Variants in PSG3 observed in about 807,000 individuals in gnomAD.
PSG3 encodes pregnancy specific beta-1-glycoprotein 3.
PSG3 carries 61 observed loss-of-function variants against 47.5 expected under a neutral mutation model. The observed-to-expected ratio is 1.28, with a 90% CI of 1.05 to 1.59. The LOEUF (loss-of-function observed/expected upper bound fraction) is 1.59. Among genes scored for constraint, PSG3 ranks in the 40% most tolerant of loss-of-function variants. PSG3 has a pLI of 0.00. For missense variants in PSG3, 756 were observed against 524.0 expected (o/e 1.44, Z -4.32); for synonymous variants, 263 against 198.4 (o/e 1.33, Z -2.74).
chr19:42,727,925 A>G (rs1474935554), intron 5 of PSG3, among the ~76,000 whole-genome samples: 1 of 152,268 alleles, frequency 6.6e-6, no homozygotes, highest in African/African-American at 2.4e-5. Flanking sequence ...ATACATTGAA[A>G]TGTTGTTCAA....
chr19:42,726,497 A>G (rs1969379933), intron 5 of PSG3, among the ~76,000 whole-genome samples: 1 of 152,212 alleles, frequency 6.6e-6, no homozygotes, highest in Non-Finnish European at 1.5e-5. Context: ...ACTAACCATG[A>G]ACAATCTGAA....
At position 42,732,830 on chromosome 19, in the gene PSG3, G is replaced by T; in HGVS notation, c.663C>A (p.Asn221Lys). The T allele has an allele frequency of 1.9e-6, 3 of 1,614,176 alleles. No individual in the cohort carries two copies. Among genetic ancestry groups the T allele is most frequent in the Non-Finnish European group, 1.7e-6 (2 of 1,180,012 alleles). Reference protein sequence around the residue: ...TAGPYECEIRNPVSASRSDPV... With the variant: ...TAGPYECEIRKPVSASRSDPV... Reference sequence around the variant, plus strand: ...GGTCACTGCGGCTGGCACTCACTGGGTTCCGTATTTCACATTCATAGGGTC... The same window carrying T: ...GGTCACTGCGGCTGGCACTCACTGGTTTCCGTATTTCACATTCATAGGGTC... The change falls in exon 3 of 7, where the codon AAC becomes AAA. Residue 221 changes from asparagine (N) to lysine (K), a missense_variant. Coordinates refer to ENST00000327495, the MANE Select transcript of PSG3 (RefSeq NM_021016.4).
At chr19:42,725,440 G>A (rs1259797311) in intron 5 of PSG3, among the ~76,000 whole-genome samples, 1 of 151,800 alleles carries the variant, frequency 6.6e-6, no homozygotes, top group Non-Finnish European at 1.5e-5. Flanking sequence ...AATGGAGAAT[G>A]GAAAAAGAAT....
chr19:42,729,467 C>A (rs1179380678), intron 4 of PSG3, 90 bp from the exon 5 acceptor site: 4 of 1,531,608 alleles, frequency 2.6e-6, no homozygotes, highest in Non-Finnish European at 3.5e-6. Context: ...ACCCTCTGAG[C>A]CAAGACACAC....
At chr19:42,738,611 G>T in intron 2 of PSG3, 113 bp downstream of exon 2, 6 of 1,594,490 alleles carry the variant, frequency 3.8e-6, no homozygotes, top group Non-Finnish European at 5.1e-6. Context: ...CCAAACCCCA[G>T]CATGGGACAT....
At position 42,740,332 on chromosome 19, in the gene PSG3, A is replaced by G. The variant is rs376695264; in HGVS notation, c.53T>C (p.Leu18Pro). The G allele has an allele frequency of 4.9e-5, 79 of 1,613,358 alleles. No individual in the cohort carries two copies. Among genetic ancestry groups the G allele is most frequent in the Non-Finnish European group, 6.4e-5 (76 of 1,179,834 alleles). ...AGTTCTCTCCTCACCTGTGAGCAGG[A>G]GCCCCTTCCAGGTGATGCGCTGTGT... Reference protein sequence around the residue: ...PCTQRITWKGLLLTALLLNFW... With the variant: ...PCTQRITWKGPLLTALLLNFW... Residue 18 changes from leucine to proline, a missense_variant, in exon 1 of 7, where the codon CTC becomes CCC. Transcript: ENST00000327495.
chr19:42,722,000 G>C lies in PSG3; in HGVS notation c.*131C>G, dbSNP rs1346057640. The C allele has an allele frequency of 2.4e-6, 1 of 417,106 alleles. No homozygotes were observed. The highest frequency in any genetic ancestry group is 1.2e-4 in the South Asian group (1 of 8,002). 25.8% of individuals were successfully genotyped at this position (417,106 alleles called of 1,614,324 possible). ...CAGGAACTTGTATTCAAGAGTCCTT[G>C]TCAGAGTCTTTTCATAAATCTCCTT... On this transcript the variant is annotated 3_prime_UTR_variant, in exon 7 of 7. Coordinates refer to ENST00000327495, the MANE Select transcript of PSG3 (RefSeq NM_021016.4).
chr19:42,721,738 A>G lies in PSG3; in HGVS notation c.*393T>C, dbSNP rs770046519. On this transcript the variant is annotated 3_prime_UTR_variant, in exon 7 of 7. Coordinates refer to ENST00000327495, the MANE Select transcript of PSG3 (RefSeq NM_021016.4). ...CTTAGGGAGCAAAAGCAAATGTTTC[A>G]ATTTTTGTTTACAAAAGTATACTTT... is the stretch of plus-strand genomic sequence containing the variant. 21 of 390,526 alleles carry G rather than the reference A, an allele frequency of 5.4e-5. No individual in the cohort carries two copies. Among genetic ancestry groups the G allele is most frequent in the Non-Finnish European group, 9.2e-5 (20 of 218,238 alleles). The allele number at this position is 390,526 out of a possible 1,614,324, so 24.2% of individuals were successfully genotyped here.
intron 5 of PSG3, among the ~76,000 whole-genome samples, chr19:42,728,355 C>T (rs1330638831): frequency 6.6e-6 from 1 of 152,200 alleles, no homozygotes; most frequent in Non-Finnish European, 1.5e-5. Context: ...GGGTGAATCT[C>T]CCTATTTCTC....
intron 2 of PSG3, chr19:42,734,202 T>C (rs1219236605): frequency 1.3e-5 from 2 of 152,216 alleles, no homozygotes; most frequent in Non-Finnish European, 2.9e-5. Context: ...ATGCCTATAG[T>C]TCATACAGAT....
intron 5 of PSG3, among the ~76,000 whole-genome samples, chr19:42,725,450 T>C (rs1969361304): frequency 6.6e-6 from 1 of 152,048 alleles, no homozygotes; most frequent in South Asian, 2.1e-4. Context: ...GGAAAAAGAA[T>C]AGAGGAAATT....
intron 5 of PSG3, among the ~76,000 whole-genome samples, chr19:42,727,299 A>G (rs1969392875): frequency 6.6e-6 from 1 of 152,252 alleles, no homozygotes; most frequent in African/African-American, 2.4e-5. Context: ...TATATCAAAG[A>G]ACACTATCAA....
At chr19:42,728,034 T>C (rs1170248187) in intron 5 of PSG3, among the ~76,000 whole-genome samples, 1 of 152,190 alleles carries the variant, frequency 6.6e-6, no homozygotes, top group Non-Finnish European at 1.5e-5. Flanking sequence ...GGATAATTAT[T>C]ATATAATTCC....
At chr19:42,722,248 C>T (rs1374503729) in intron 6 of PSG3, among the ~76,000 whole-genome samples, 158 bp from the exon 7 acceptor site, 3 of 152,080 alleles carry the variant, frequency 2.0e-5, no homozygotes, top group Non-Finnish European at 2.9e-5. Flanking sequence ...TTAGAATACT[C>T]ATTAAAAAAA....
intron 2 of PSG3, 88 bp from the exon 3 acceptor site, chr19:42,733,150 C>G (rs1969504807): frequency 6.5e-7 from 1 of 1,543,432 alleles, no homozygotes; most frequent in Non-Finnish European, 8.7e-7. Flanking sequence ...CATTTCCCAC[C>G]TCTCAGCCCA....
At chr19:42,730,603 C>G (rs545715688) in intron 3 of PSG3, among the ~76,000 whole-genome samples, 82 of 152,304 alleles carry the variant, frequency 5.4e-4, no homozygotes, top group African/African-American at 1.8e-3. Flanking sequence ...CAGAATCAAG[C>G]CTGGAGGTCA....
chr19:42,736,908 G>A (rs1969573695), intron 2 of PSG3, among the ~76,000 whole-genome samples: 1 of 152,170 alleles, frequency 6.6e-6, no homozygotes, highest in Admixed American at 6.5e-5. Flanking sequence ...CACAGTGTTA[G>A]CGGGAAGGGA....
chr19:42,734,421 G>A lies in PSG3; in HGVS notation c.431-1359C>T, dbSNP rs1009323028. ...GAGCATTTCAGATTGTGGATTTCTG[G>A]ATTTCCGATGCTCAATTTGTAATAC... On this transcript the variant is annotated intron_variant, in intron 2 of 6. Transcript: ENST00000327495. Among the ~76,000 whole-genome samples, 15 of 152,260 alleles carry A rather than the reference G, an allele frequency of 9.9e-5. 1 individual carries two copies. Among genetic ancestry groups the A allele is most frequent in the African/African-American group, 3.6e-4 (15 of 41,542 alleles).
At chr19:42,730,476 TC>T (rs1371862561) in intron 3 of PSG3, among the ~76,000 whole-genome samples, 8 of 152,202 alleles carry the variant, frequency 5.3e-5, no homozygotes, top group Non-Finnish European at 2.9e-5. Context: ...AACTTCCATT[TC>T]CAAGGACATT....
Sources: gnomAD v4.1 joint callset for allele counts (sites outside exome capture counted in the v4.1 genomes callset) on GRCh38, gnomAD v4.1.1 for gene constraint, MANE v1.5 for transcripts, NCBI Gene and HGNC (gene_info 2026-07-23, HGNC 2026-07-21) for gene names.